CDHR2: variants seen among roughly 807,000 people sequenced by gnomAD.
CDHR2 encodes the protein cadherin-related family member 2.
Under a neutral mutation model 138.6 loss-of-function variants are expected in CDHR2, and 104 were observed. That is an observed-to-expected ratio of 0.75 (90% CI 0.64 to 0.88). The LOEUF (loss-of-function observed/expected upper bound fraction) is 0.88, where lower values mean the gene tolerates loss of function less well. Ranked by LOEUF, CDHR2 falls within the 40% of genes least tolerant of loss-of-function variation. The pLI is 0.00. For synonymous variants in CDHR2, 755 were observed against 742.8 expected (o/e 1.02, Z -0.27); for missense variants, 1,624 against 1,727.6 (o/e 0.94, Z 1.06).
chr5:176,570,042 C>T (rs866563735), intron 5 of CDHR2, among the ~76,000 whole-genome samples: 5 of 152,156 alleles, frequency 3.3e-5, no homozygotes, highest in African/African-American at 1.2e-4. Flanking sequence ...TTGACCGTTA[C>T]TGTATGCTTT....
intron 1 of CDHR2, among the ~76,000 whole-genome samples, chr5:176,561,718 C>T (rs1237794273): frequency 6.7e-6 from 1 of 149,542 alleles, no homozygotes; most frequent in East Asian, 2.0e-4. Context: ...CGACTCATTG[C>T]AACCTCCACC....
intron 19 of CDHR2, 51 bp downstream of exon 19, chr5:176,585,066 C>T (rs11745507): frequency 0.27 from 404,960 of 1,488,310 alleles, 55,881 homozygotes; most frequent in East Asian, 0.31. Context: ...TTAGGGGCCG[C>T]GGGAAGGAGC....
chr5:176,562,618 G>T lies in CDHR2; in HGVS notation c.-15-2720G>T, dbSNP rs573048510. On this transcript the variant is annotated intron_variant, in intron 1 of 31. Coordinates refer to ENST00000261944, the MANE Select transcript of CDHR2 (RefSeq NM_017675.6). ...GAGGTGCCCAGGACCAGGTGAGGGTGCTTGGTAGTGTTAACTTTTTTAAAA... is the reference window on the plus strand; with the variant it reads ...GAGGTGCCCAGGACCAGGTGAGGGTTCTTGGTAGTGTTAACTTTTTTAAAA... Among the ~76,000 whole-genome samples the T allele has an allele frequency of 3.3e-5, 5 of 152,282 alleles. No homozygotes were observed. In the South Asian group the frequency reaches 1.0e-3, roughly 32 times the overall value.
chr5:176,595,477 G>C (rs757583504), intron 31 of CDHR2, 55 bp from the exon 32 acceptor site: 1 of 1,510,752 alleles, frequency 6.6e-7, no homozygotes, highest in African/African-American at 1.4e-5. Context: ...CTAGGGCCTG[G>C]GGCACTCGCC....
chr5:176,577,282 C>T (rs1758405876), intron 12 of CDHR2, 117 bp from the exon 13 acceptor site: 1 of 1,138,156 alleles, frequency 8.8e-7, no homozygotes, highest in African/African-American at 1.6e-5. Flanking sequence ...TTTGAGAGCC[C>T]CCTTCCATGG....
intron 30 of CDHR2, among the ~76,000 whole-genome samples, chr5:176,592,199 GCT>G (rs1561883463): frequency 1.9e-4 from 28 of 145,530 alleles, no homozygotes; most frequent in African/African-American, 7.1e-4. Context: ...TGATGATGGT[GCT>G]GATGGTGATG....
At chr5:176,574,050 T>G in intron 6 of CDHR2, 33 bp from the exon 7 acceptor site, 2 of 1,543,216 alleles carry the variant, frequency 1.3e-6, no homozygotes, top group Non-Finnish European at 8.9e-7. Flanking sequence ...GGAGCTGGAT[T>G]TGAGCTCATA....
chr5:176,545,205 C>T (rs149184912), upstream of CDHR2, among the ~76,000 whole-genome samples: 7 of 152,162 alleles, frequency 4.6e-5, no homozygotes, highest in East Asian at 1.9e-4. Flanking sequence ...AATCTCCCCC[C>T]ACCCCACCTC....
intron 19 of CDHR2, 92 bp from the exon 20 acceptor site, chr5:176,585,841 CGGGGTTGAGGCTGCGGGGCAT>C: frequency 8.9e-6 from 7 of 786,074 alleles, no homozygotes; most frequent in South Asian, 1.5e-5. Flanking sequence ...CTGCGGGGCA[CGGGGTTGAGGCTGCGGGGCAT>C]GGGGTTGAGG....
At position 176,572,811 on chromosome 5, in the gene CDHR2, C is replaced by T. The variant is rs142369502; in HGVS notation, c.406-1272C>T. 3.4e-3 allele frequency among the ~76,000 whole-genome samples: 514 copies of T among 152,306 alleles called. 4 individuals are homozygous for T. Among genetic ancestry groups the T allele is most frequent in the Non-Finnish European group, 4.2e-3 (284 of 68,024 alleles). ...GGCTCTGATGCAATGCCTCAGCACC[C>T]GGCACTGTCTAGGTGCTAAGGTTAC... On this transcript the variant is annotated intron_variant, in intron 6 of 31. Coordinates refer to ENST00000261944, the MANE Select transcript of CDHR2 (RefSeq NM_017675.6).
chr5:176,590,711 T>C (rs567616077), intron 28 of CDHR2, 24 bp downstream of exon 28: 2 of 1,612,000 alleles, frequency 1.2e-6, no homozygotes, highest in African/African-American at 2.7e-5. Flanking sequence ...TGCCCCCGTG[T>C]CTCCAACCTT....
rs914706349 is a variant in CDHR2 at position 176,581,342 on chromosome 5, G to A, written c.1819-1G>A. Reference sequence around the variant, plus strand: ...TGACCAACCCCTGCTTACGTGCACAGGCCCACGACAATGATGAGCCGGGCA... The same window carrying A: ...TGACCAACCCCTGCTTACGTGCACAAGCCCACGACAATGATGAGCCGGGCA... On this transcript the variant is annotated splice_acceptor_variant, in intron 16 of 31. Transcript: ENST00000261944. LOFTEE classifies it high-confidence loss of function. The A allele has an allele frequency of 5.6e-6, 9 of 1,612,858 alleles. No individual in the cohort carries two copies. The highest frequency in any genetic ancestry group is 7.6e-6 in the Non-Finnish European group (9 of 1,180,024).
At chr5:176,574,724 T>C (rs1758322930) in intron 7 of CDHR2, among the ~76,000 whole-genome samples, 1 of 152,236 alleles carries the variant, frequency 6.6e-6, no homozygotes, top group South Asian at 2.1e-4. Context: ...TAGCATGTTA[T>C]GCTATATTGT....
chr5:176,580,534 AAAAAAAAAAG>A (rs1758506570), intron 16 of CDHR2, among the ~76,000 whole-genome samples: 2 of 151,258 alleles, frequency 1.3e-5, no homozygotes, highest in Admixed American at 6.6e-5. Flanking sequence ...ACCTCAAAAA[AAAAAAAAAAG>A]AAAGAAAGAA....
intron 1 of CDHR2, among the ~76,000 whole-genome samples, chr5:176,564,649 A>T (rs535761160): frequency 6.6e-6 from 1 of 152,224 alleles, no homozygotes; most frequent in South Asian, 2.1e-4. Flanking sequence ...TCTGGCTATC[A>T]ATCAACAAGA....
intron 1 of CDHR2, among the ~76,000 whole-genome samples, chr5:176,558,214 ATT>A (rs34795456): frequency 0.49 from 64,261 of 131,736 alleles, 17,362 homozygotes; most frequent in Non-Finnish European, 0.63. Context: ...TTCTTTTCTT[ATT>A]TTTTTTTTTT....
chr5:176,584,034 C>G (rs566446037), intron 17 of CDHR2, among the ~76,000 whole-genome samples, 156 bp from the exon 18 acceptor site: 47 of 152,298 alleles, frequency 3.1e-4, no homozygotes, highest in African/African-American at 1.0e-3. Flanking sequence ...AAGTTCCCTC[C>G]TCTCAGAGCC....
Position 176,590,236 on chromosome 5 carries a change from A to G in CDHR2, c.3276-17A>G, listed in dbSNP as rs746870231. 3.1e-6 allele frequency: 5 copies of G among 1,613,654 alleles called. No homozygotes were observed. Among genetic ancestry groups the G allele is most frequent in the South Asian group, 1.1e-5 (1 of 91,046 alleles). On this transcript the variant is annotated splice_polypyrimidine_tract_variant and intron_variant, in intron 25 of 31. Transcript: ENST00000261944. ...GGTGATCCAGGCTCCTGACTCTTCA[A>G]CTCTGTCCCGCTCCAGGGCCCGACC...
intron 7 of CDHR2, among the ~76,000 whole-genome samples, 159 bp from the exon 8 acceptor site, chr5:176,574,925 C>G (rs1758329315): frequency 6.6e-6 from 1 of 152,148 alleles, no homozygotes; most frequent in Non-Finnish European, 1.5e-5. Context: ...AGCCCCATTT[C>G]CTGGAGCTGG....
Sources: gnomAD v4.1 joint callset for allele counts (sites outside exome capture counted in the v4.1 genomes callset) on GRCh38, gnomAD v4.1.1 for gene constraint, MANE v1.5 for transcripts, NCBI Gene and HGNC (gene_info 2026-07-23, HGNC 2026-07-21) for gene names.